The following JADE1 variants were observed in gnomAD, a reference collection of about 807,000 sequenced individuals.
JADE1 encodes the protein protein Jade-1.
In JADE1, 14 loss-of-function variants were observed where a neutral mutation model predicts 81.8. That is an observed-to-expected ratio of 0.17 (90% CI 0.11 to 0.27). The LOEUF (loss-of-function observed/expected upper bound fraction) is 0.27, where lower values mean the gene tolerates loss of function less well. Among genes scored for constraint, JADE1 ranks in the 10% least tolerant of loss-of-function variants. The pLI is 1.00. For synonymous variants in JADE1, 353 were observed against 391.9 expected, an observed-to-expected ratio of 0.90 and a Z score of 1.17; for missense variants, 690 against 1,047.9, an observed-to-expected ratio of 0.66 and a Z score of 4.71.
intron 1 of JADE1, among the ~76,000 whole-genome samples, chr4:128,819,967 T>C (rs146119907): frequency 1.7e-3 from 255 of 152,318 alleles, no homozygotes; most frequent in African/African-American, 5.7e-3. Flanking sequence ...GATCTACTTA[T>C]GTGTGTTTGT....
Position 128,871,446 on chromosome 4 carries a change from C to G in JADE1, c.1713C>G (p.Asp571Glu). ...SVGPDAPKIEDLKWHSAFFRK... is the reference protein window; with the variant it reads ...SVGPDAPKIEELKWHSAFFRK... ...GCCCTGATGCTCCCAAGATAGAGGA[C>G]TTGAAGTGGCATTCTGCATTCTTCA... The change falls in exon 11 of 11, where the codon GAC (aspartate) becomes GAG (glutamate). Residue 571 changes from aspartate to glutamate, a missense_variant. By Grantham distance (45) the Asp-to-Glu change is conservative (BLOSUM62 2). Coordinates refer to ENST00000226319, the MANE Select transcript of JADE1 (RefSeq NM_199320.4). This position sits in a 1 kb window ranked among gnomAD's most constrained non-coding sequence, Gnocchi z 4.1. The G allele has an allele frequency of 1.2e-6, 2 of 1,614,202 alleles. No homozygotes were observed. The highest frequency in any genetic ancestry group is 1.7e-6 in the Non-Finnish European group (2 of 1,180,036).
chr4:128,831,480 G>A (rs753280013), intron 1 of JADE1: 4 of 482,198 alleles, frequency 8.3e-6, no homozygotes, highest in Non-Finnish European at 1.1e-5. Context: ...CAGGAATATA[G>A]AAAGAAACCT....
At chr4:128,810,744 TGG>T (rs1553940481) in intron 1 of JADE1, among the ~76,000 whole-genome samples, 1 of 8,392 alleles carries the variant, frequency 1.2e-4, no homozygotes, top group Non-Finnish European at 2.5e-4. Flanking sequence ...GGGGTGGGGG[TGG>T]GGGTGGAGGG....
At chr4:128,830,794 C>T (rs1728486221) in intron 1 of JADE1, among the ~76,000 whole-genome samples, 1 of 152,140 alleles carries the variant, frequency 6.6e-6, no homozygotes, top group Non-Finnish European at 1.5e-5. Context: ...AATATAACCG[C>T]GAGACCATCT....
At chr4:128,831,709 A>G (rs1728570403) in intron 1 of JADE1, 24 bp from the exon 2 acceptor site, 2 of 1,606,802 alleles carry the variant, frequency 1.2e-6, no homozygotes, top group East Asian at 2.2e-5. Flanking sequence ...ATCTTGGGTT[A>G]AGTGCTGTCT....
intron 1 of JADE1, among the ~76,000 whole-genome samples, chr4:128,818,246 G>A (rs188996545): frequency 2.2e-4 from 33 of 151,828 alleles, no homozygotes; most frequent in African/African-American, 7.0e-4. Context: ...TCAGCCTCCC[G>A]AGTAGCTGGG....
intron 9 of JADE1, among the ~76,000 whole-genome samples, chr4:128,866,524 ACGCT>A (rs1731791705): frequency 6.6e-6 from 1 of 151,778 alleles, no homozygotes; most frequent in Admixed American, 6.6e-5. Flanking sequence ...GTCTACACTT[ACGCT>A]CTACACCAGA....
chr4:128,863,637 GT>G, intron 9 of JADE1: 1 of 985,452 alleles, frequency 1.0e-6, no homozygotes, highest in East Asian at 1.1e-4. Flanking sequence ...TCCTGGAGCA[GT>G]TTTGTGAGGC....
At chr4:128,814,495 A>G (rs911414358) in intron 1 of JADE1, among the ~76,000 whole-genome samples, 3 of 151,878 alleles carry the variant, frequency 2.0e-5, no homozygotes, top group Non-Finnish European at 4.4e-5. Flanking sequence ...TTTTCAGATA[A>G]TTTTCTATGC....
intron 1 of JADE1, among the ~76,000 whole-genome samples, chr4:128,827,227 G>A (rs543156535): frequency 1.3e-5 from 2 of 152,216 alleles, no homozygotes; most frequent in East Asian, 1.9e-4. Context: ...AGTAAAATCT[G>A]CTTTACCATT....
At chr4:128,829,991 C>G (rs914544262) in intron 1 of JADE1, among the ~76,000 whole-genome samples, 5 of 151,490 alleles carry the variant, frequency 3.3e-5, no homozygotes, top group Admixed American at 2.6e-4. Flanking sequence ...GATTCTCCTG[C>G]TTGAGCCTCC....
At chr4:128,824,337 G>A (rs540815421) in intron 1 of JADE1, among the ~76,000 whole-genome samples, 3 of 152,168 alleles carry the variant, frequency 2.0e-5, no homozygotes, top group Admixed American at 6.6e-5. Flanking sequence ...GGAGAATAGC[G>A]TGAACCCGGG....
chr4:128,815,974 T>TACA (rs916271849), intron 1 of JADE1, among the ~76,000 whole-genome samples: 3 of 152,032 alleles, frequency 2.0e-5, no homozygotes, highest in Middle Eastern at 3.2e-3. Flanking sequence ...TCCTCCCTTG[T>TACA]ACAAGCCTTT....
Position 128,862,689 on chromosome 4 carries a change from G to T in JADE1, c.1503+464G>T, listed in dbSNP as rs578059652. The T allele has an allele frequency of 2.3e-4, 232 of 1,011,144 alleles. 2 individuals are homozygous for T. The East Asian group carries it at 2.5e-3, about 11-fold the overall frequency. The allele number at this position is 1,011,144 out of a possible 1,614,324, so 62.6% of individuals were successfully genotyped here. ...GTCCGGGGAAACACACCTAGGTGCT[G>T]GTGATGGGCTTATGAAGGAAGCTAA... On this transcript the variant is annotated intron_variant, in intron 9 of 10. Coordinates refer to ENST00000226319, the MANE Select transcript of JADE1 (RefSeq NM_199320.4).
Position 128,864,081 on chromosome 4 carries a change from A to G in JADE1, c.1503+1856A>G, listed in dbSNP as rs959378356. On this transcript the variant is annotated intron_variant, in intron 9 of 10. Transcript: ENST00000226319. ...GGAATAAATCAGGATTTGTGTGTGT[A>G]TGTGTGTGGCATTACTTACATTTAC... is the stretch of plus-strand genomic sequence containing the variant. 1.1e-5 allele frequency: 11 copies of G among 984,764 alleles called. No homozygotes were observed. In the African/African-American group the frequency reaches 1.9e-4, roughly 17 times the overall value. 61.0% of individuals were successfully genotyped at this position (984,764 alleles called of 1,614,324 possible). A position where few individuals can be genotyped will look rare whatever the true frequency, so the allele number is the denominator to read the frequency against.
intron 1 of JADE1, among the ~76,000 whole-genome samples, chr4:128,813,526 C>T (rs978429444): frequency 6.7e-6 from 1 of 150,266 alleles, no homozygotes; most frequent in Non-Finnish European, 1.5e-5. Context: ...TCAAGCGATT[C>T]TCCTGCCTCA....
intron 2 of JADE1, among the ~76,000 whole-genome samples, chr4:128,840,301 A>C (rs1416364855): frequency 6.6e-6 from 1 of 152,182 alleles, no homozygotes; most frequent in Non-Finnish European, 1.5e-5. Context: ...GAATGAATGA[A>C]TTTGTTGTTT....
intron 1 of JADE1, among the ~76,000 whole-genome samples, chr4:128,812,869 G>T (rs1175341620): frequency 6.6e-6 from 1 of 152,252 alleles, no homozygotes; most frequent in Non-Finnish European, 1.5e-5. Flanking sequence ...TAAAATGACA[G>T]CTGCAGTGAA....
chr4:128,828,302 A>G (rs1218796678), intron 1 of JADE1, among the ~76,000 whole-genome samples: 1 of 152,184 alleles, frequency 6.6e-6, no homozygotes, highest in African/African-American at 2.4e-5. Flanking sequence ...GAGAGTCAGG[A>G]AAGGTGATGA....
Sources: allele counts gnomAD v4.1 joint callset (sites outside exome capture counted in the v4.1 genomes callset), GRCh38; gene constraint gnomAD v4.1.1; non-coding constraint Gnocchi (gnomAD v3.1); transcripts MANE v1.5; gene names NCBI Gene and HGNC (gene_info 2026-07-23, HGNC 2026-07-21).